The following MPP4 variants were observed in gnomAD, a reference collection of about 807,000 sequenced individuals.
The protein encoded by MPP4 is MAGUK p55 subfamily member 4.
MPP4 carries 91 observed loss-of-function variants against 98.3 expected under a neutral mutation model. That is an observed-to-expected ratio of 0.93 (90% CI 0.78 to 1.10). The LOEUF is 1.10. Ranked by LOEUF, MPP4 falls within the 50% of genes least tolerant of loss-of-function variation. The pLI is 0.00. For synonymous variants in MPP4, 261 were observed against 271.8 expected (o/e 0.96, Z 0.39); for missense variants, 744 against 792.9 (o/e 0.94, Z 0.74).
chr2:201,683,635 C>A (rs573207737), intron 7 of MPP4, among the ~76,000 whole-genome samples: 3 of 151,856 alleles, frequency 2.0e-5, no homozygotes, highest in African/African-American at 7.3e-5. Context: ...GCCTGTAATC[C>A]CAGCTGCTTT....
chr2:201,676,177 G>C (rs1688503389), intron 10 of MPP4, among the ~76,000 whole-genome samples: 1 of 152,206 alleles, frequency 6.6e-6, no homozygotes, highest in African/African-American at 2.4e-5. Flanking sequence ...GATAAGGCCA[G>C]GGCATCTACA....
At chr2:201,651,425 A>G in intron 18 of MPP4, 1 of 985,450 alleles carries the variant, frequency 1.0e-6, no homozygotes, top group Non-Finnish European at 1.2e-6. Flanking sequence ...GAATTATGTC[A>G]ATCTAAACCC....
intron 14 of MPP4, among the ~76,000 whole-genome samples, chr2:201,663,787 T>G (rs1688090034): frequency 6.6e-6 from 1 of 152,068 alleles, no homozygotes; most frequent in East Asian, 1.9e-4. Flanking sequence ...AAGGCTGAGG[T>G]GGGAGGATCA....
intron 10 of MPP4, 166 bp downstream of exon 10, chr2:201,680,672 C>T (rs1688640336): frequency 8.2e-6 from 5 of 612,838 alleles, no homozygotes; most frequent in Admixed American, 3.0e-5. Flanking sequence ...ATTTAAGATG[C>T]TTAGGGTTTA....
intron 12 of MPP4, 58 bp downstream of exon 12, chr2:201,669,675 C>G: frequency 7.9e-7 from 1 of 1,263,490 alleles, no homozygotes; most frequent in Non-Finnish European, 1.1e-6. Flanking sequence ...CTTTAAACTA[C>G]AAGAAATTTC....
At chr2:201,677,943 A>G (rs1356544720) in intron 10 of MPP4, among the ~76,000 whole-genome samples, 2 of 151,928 alleles carry the variant, frequency 1.3e-5, no homozygotes, top group Admixed American at 1.3e-4. Flanking sequence ...TAGTCTCAAC[A>G]CCCTCCTCCA....
At chr2:201,669,088 TTGTGTG>T (rs770178008) in intron 12 of MPP4, among the ~76,000 whole-genome samples, 1 of 141,566 alleles carries the variant, frequency 7.1e-6, no homozygotes, top group African/African-American at 2.7e-5. Flanking sequence ...GCATCTTGCT[TTGTGTG>T]TGTGTGTGTG....
chr2:201,697,634 TG>T (rs1027804056), intron 1 of MPP4, among the ~76,000 whole-genome samples: 3 of 152,244 alleles, frequency 2.0e-5, no homozygotes, highest in Non-Finnish European at 4.4e-5. Flanking sequence ...AGCCAGCAGC[TG>T]GGACTTCAAT....
chr2:201,661,645 A>T (rs2105921009), intron 14 of MPP4: 1 of 454,696 alleles, frequency 2.2e-6, no homozygotes, highest in African/African-American at 2.0e-5. Flanking sequence ...CTTGTGTAGC[A>T]CTTCCTGTGT....
intron 1 of MPP4, chr2:201,698,198 A>AC (rs1450751167): frequency 1.8e-6 from 1 of 544,834 alleles, no homozygotes; most frequent in African/African-American, 2.1e-5. Context: ...ACAACCCCCT[A>AC]CCCTTACTAT....
Position 201,681,505 on chromosome 2 carries a change from G to A in MPP4, c.723C>T (p.Ser241=). The change falls in exon 9 of 22, where the codon AGC becomes AGT. Residue 241 remains serine (S), a synonymous_variant. Transcript: ENST00000409474. ...VVPVSDPPVN[S]QQMVYVRAMT... Reference sequence around the variant, plus strand: ...CTCAGTAAATTCTTACCATCTGCTGGCTATTCACAGGAGGGTCAGAGACTG... The same window carrying A: ...CTCAGTAAATTCTTACCATCTGCTGACTATTCACAGGAGGGTCAGAGACTG... 1 of 1,613,160 alleles carries A rather than the reference G, an allele frequency of 6.2e-7. No individual in the cohort carries two copies. Among genetic ancestry groups the A allele is most frequent in the Non-Finnish European group, 8.5e-7 (1 of 1,179,272 alleles).
At chr2:201,692,575 T>C (rs1384621175) in intron 3 of MPP4, among the ~76,000 whole-genome samples, 3 of 148,666 alleles carry the variant, frequency 2.0e-5, no homozygotes. Flanking sequence ...GTAAGGTCTT[T>C]GGGAGCCGAT....
intron 14 of MPP4, 35 bp downstream of exon 14, chr2:201,664,046 T>G: frequency 7.0e-7 from 1 of 1,425,022 alleles, no homozygotes; most frequent in Non-Finnish European, 9.5e-7. Flanking sequence ...AATATACATT[T>G]AAAAATCAGT....
intron 10 of MPP4, among the ~76,000 whole-genome samples, chr2:201,675,917 T>C (rs1256079873): frequency 6.6e-6 from 1 of 152,222 alleles, no homozygotes; most frequent in Non-Finnish European, 1.5e-5. Flanking sequence ...TCGAAGACAC[T>C]CTGTTCTTTG....
At chr2:201,656,071 T>TA (rs1276368138) in intron 17 of MPP4, 127 bp downstream of exon 17, 3 of 1,109,814 alleles carry the variant, frequency 2.7e-6, no homozygotes, top group African/African-American at 1.6e-5. Context: ...CTTTGTTTTT[T>TA]AAAAAAGGTA....
At chr2:201,653,455 A>C (rs531309004) in intron 18 of MPP4, among the ~76,000 whole-genome samples, 26 of 152,208 alleles carry the variant, frequency 1.7e-4, no homozygotes, top group African/African-American at 5.1e-4. Context: ...GCCTCCCCAA[A>C]AAGCCCCATG....
intron 11 of MPP4, among the ~76,000 whole-genome samples, chr2:201,670,965 C>T (rs1025201910): frequency 1.3e-5 from 2 of 152,162 alleles, no homozygotes; most frequent in African/African-American, 4.8e-5. Flanking sequence ...GGTCGGGGAA[C>T]TCCCTCCCCT....
intron 7 of MPP4, among the ~76,000 whole-genome samples, chr2:201,683,760 A>AG (rs1559016288): frequency 6.6e-6 from 1 of 151,930 alleles, no homozygotes; most frequent in Non-Finnish European, 1.5e-5. Flanking sequence ...TCAAAAAAAA[A>AG]AAAAGAAAAG....
intron 2 of MPP4, 59 bp from the exon 3 acceptor site, chr2:201,693,088 A>G (rs1689085270): frequency 1.9e-6 from 3 of 1,566,518 alleles, no homozygotes; most frequent in Non-Finnish European, 2.6e-6. Context: ...GTGAAAGGCA[A>G]CTCAGATAGC....
Sources: gnomAD v4.1 joint callset for allele counts (sites outside exome capture counted in the v4.1 genomes callset) on GRCh38, gnomAD v4.1.1 for gene constraint, MANE v1.5 for transcripts, NCBI Gene and HGNC (gene_info 2026-07-23, HGNC 2026-07-21) for gene names.